LHFPL1: variants seen among roughly 807,000 people sequenced by gnomAD.
LHFPL1 encodes the protein LHFPL tetraspan subfamily member 1 protein.
Under a neutral mutation model 12.1 loss-of-function variants are expected in LHFPL1, and 4 were observed. The observed-to-expected ratio is 0.33, with a 90% confidence interval of 0.16 to 0.76. The LOEUF (loss-of-function observed/expected upper bound fraction) is 0.76, where lower values mean the gene tolerates loss of function less well. Ranked by LOEUF, LHFPL1 falls within the 30% of genes least tolerant of loss-of-function variation. LHFPL1 has a pLI of 0.61. For missense variants in LHFPL1, 141 were observed against 174.1 expected (o/e 0.81, Z 1.07); for synonymous variants, 52 against 61.9 (o/e 0.84, Z 0.75).
chrX:112,636,872 C>T (rs906690172), intron 3 of LHFPL1, among the ~76,000 whole-genome samples: 18 of 111,929 alleles, frequency 1.6e-4, no homozygotes, highest in South Asian at 3.7e-4. Context: ...TCTACTTCCA[C>T]GCTAGAATTG....
chrX:112,677,179 T>C (rs1278652174), intron 1 of LHFPL1, among the ~76,000 whole-genome samples: 1 of 111,968 alleles, frequency 8.9e-6, no homozygotes. Context: ...AAGACACAAA[T>C]CCTTTTGTTT....
chrX:112,636,631 A>T lies in LHFPL1; in HGVS notation c.482-5030T>A, dbSNP rs1397256997. On this transcript the variant is annotated intron_variant, in intron 3 of 3. Coordinates refer to ENST00000371968, the MANE Select transcript of LHFPL1 (RefSeq NM_178175.4). ...AGGCAAGGGAAGCTCAAGGGGAGAG[A>T]TCTCACAAGGTATTGAGGAGGAAGC... Among the ~76,000 whole-genome samples the T allele has an allele frequency of 7.2e-5, 8 of 111,615 alleles. No individual in the cohort carries two copies. In the Admixed American group the frequency reaches 7.6e-4, roughly 11 times the overall value.
intron 1 of LHFPL1, among the ~76,000 whole-genome samples, chrX:112,673,835 T>G (rs931383523): frequency 2.7e-5 from 3 of 111,601 alleles, no homozygotes; most frequent in Non-Finnish European, 5.6e-5. Context: ...CATAGAGATT[T>G]TCAAAAAATA....
intron 3 of LHFPL1, among the ~76,000 whole-genome samples, chrX:112,634,288 C>T (rs1320394039): frequency 2.7e-5 from 3 of 110,823 alleles, no homozygotes; most frequent in Non-Finnish European, 5.7e-5. Context: ...GGCCCTTGAC[C>T]TGTAAGCCCT....
At chrX:112,669,294 A>G (rs1279664503) in intron 2 of LHFPL1, among the ~76,000 whole-genome samples, 1 of 112,386 alleles carries the variant, frequency 8.9e-6, no homozygotes, top group Non-Finnish European at 1.9e-5. Flanking sequence ...AGCGTGTTTA[A>G]AAATAAAAGT....
At chrX:112,638,909 T>C (rs11152735) in intron 3 of LHFPL1, among the ~76,000 whole-genome samples, 28,308 of 110,312 alleles carry the variant, frequency 0.26, 3,388 homozygotes, top group African/African-American at 0.46. Context: ...GCTGACTCAA[T>C]GCATTTTTGC....
intron 2 of LHFPL1, among the ~76,000 whole-genome samples, chrX:112,665,759 T>C (rs766936095): frequency 1.7e-4 from 19 of 110,408 alleles, no homozygotes; most frequent in African/African-American, 6.4e-4. Context: ...AGGGCTGGAG[T>C]TAGACATTTT....
intron 1 of LHFPL1, among the ~76,000 whole-genome samples, chrX:112,678,612 T>C (rs1413720447): frequency 9.0e-6 from 1 of 111,713 alleles, no homozygotes; most frequent in African/African-American, 3.3e-5. Flanking sequence ...GGCTGATTGC[T>C]TTTCCAATCA....
intron 2 of LHFPL1, among the ~76,000 whole-genome samples, chrX:112,663,321 G>A (rs777010023): frequency 9.8e-5 from 11 of 112,063 alleles, no homozygotes; most frequent in Non-Finnish European, 2.1e-4. Context: ...GAAGGCAGGA[G>A]ACATACTTAT....
At chrX:112,649,756 AT>A (rs1466324858) in intron 3 of LHFPL1, among the ~76,000 whole-genome samples, 1 of 111,291 alleles carries the variant, frequency 9.0e-6, no homozygotes, top group Non-Finnish European at 1.9e-5. Flanking sequence ...TGCCAGAATG[AT>A]TTTGTTATTT....
intron 3 of LHFPL1, among the ~76,000 whole-genome samples, chrX:112,654,368 A>G (rs1930936433): frequency 9.0e-6 from 1 of 111,125 alleles, no homozygotes; most frequent in African/African-American, 3.3e-5. Flanking sequence ...GCATGTTATT[A>G]TGTTATCCCT....
chrX:112,657,149 T>C (rs1414709207), intron 3 of LHFPL1, among the ~76,000 whole-genome samples: 1 of 112,455 alleles, frequency 8.9e-6, no homozygotes, highest in African/African-American at 3.2e-5. Flanking sequence ...TAAAATAAAA[T>C]AAAAGCATAA....
chrX:112,677,784 T>C (rs1357847201), intron 1 of LHFPL1, among the ~76,000 whole-genome samples: 1 of 111,668 alleles, frequency 9.0e-6, no homozygotes, highest in African/African-American at 3.3e-5. Flanking sequence ...TGAGTTCTCC[T>C]GTGCCTGAAA....
intron 1 of LHFPL1, among the ~76,000 whole-genome samples, chrX:112,674,584 A>T (rs1163872502): frequency 9.2e-6 from 1 of 109,199 alleles, no homozygotes. Context: ...GAACTCAAAC[A>T]AATCAGTAAG....
chrX:112,655,287 G>A (rs1051828697), intron 3 of LHFPL1, among the ~76,000 whole-genome samples: 1 of 112,101 alleles, frequency 8.9e-6, no homozygotes, highest in Non-Finnish European at 1.9e-5. Flanking sequence ...TTGGGGAATA[G>A]GAATTGGAGA....
At chrX:112,678,610 G>A (rs1931718291) in intron 1 of LHFPL1, among the ~76,000 whole-genome samples, 2 of 111,898 alleles carry the variant, frequency 1.8e-5, no homozygotes, top group Non-Finnish European at 3.8e-5. Context: ...TGGGCTGATT[G>A]CTTTTCCAAT....
chrX:112,662,192 G>C (rs1033169944), intron 2 of LHFPL1, among the ~76,000 whole-genome samples: 4 of 112,445 alleles, frequency 3.6e-5, no homozygotes, highest in African/African-American at 9.7e-5. Context: ...ATGAACATGG[G>C]AGGGACACTT....
intron 3 of LHFPL1, among the ~76,000 whole-genome samples, chrX:112,658,190 C>T (rs149338114): frequency 0.011 from 1,253 of 110,416 alleles, 5 homozygotes; most frequent in Non-Finnish European, 0.018. Context: ...CTTTGGAAGC[C>T]GAGGCAGGCA....
chrX:112,674,323 T>C (rs1174036005), intron 1 of LHFPL1, among the ~76,000 whole-genome samples: 8 of 111,561 alleles, frequency 7.2e-5, no homozygotes, highest in Non-Finnish European at 1.3e-4. Context: ...ACCCAAGACA[T>C]GAAACCATAA....
Sources: allele counts gnomAD v4.1 joint callset (sites outside exome capture counted in the v4.1 genomes callset), GRCh38; gene constraint gnomAD v4.1.1; transcripts MANE v1.5; gene names NCBI Gene and HGNC (gene_info 2026-07-23, HGNC 2026-07-21).